Variants in RNF144B observed in about 807,000 individuals in gnomAD.
RNF144B encodes the protein ring finger protein 144B.
A neutral mutation model predicts 40.2 loss-of-function variants in RNF144B; 25 were observed. The ratio of observed to expected loss-of-function variants is 0.62; its 90% CI spans 0.45 to 0.87. The LOEUF is 0.87. Among genes scored for constraint, RNF144B ranks in the 40% least tolerant of loss-of-function variants. The probability of loss-of-function intolerance (pLI) is 0.00; values close to 1 mark genes in which losing one functional copy is unlikely to be tolerated. For synonymous variants in RNF144B, 145 were observed against 136.3 expected (o/e 1.06, Z -0.44); for missense variants, 365 against 373.7 (o/e 0.98, Z 0.19).
rs1043148355 is a variant in RNF144B, at chr6:18,419,368, C to G, written c.166-8213C>G. Among the ~76,000 whole-genome samples the G allele has an allele frequency of 3.3e-5, 5 of 152,116 alleles. No homozygotes were observed. The highest frequency in any genetic ancestry group is 1.2e-4 in the African/African-American group (5 of 41,428). The stretch of plus-strand genomic sequence containing the variant: ...CCACTGGCCTTTTGGGATATATTCT[C>G]CTGAGAGCAAATAGGCAGTGGACTA... On this transcript the variant is annotated intron_variant, in intron 2 of 7. Transcript: ENST00000259939. The surrounding 1 kb of genome is among the most constrained non-coding windows in gnomAD (Gnocchi z 4.6).
rs1406983090 is a variant in RNF144B at position 18,406,987 on chromosome 6, C to T, written c.165+7288C>T. 6.6e-6 allele frequency among the ~76,000 whole-genome samples: 1 copy of T among 152,104 alleles called. No homozygotes were observed. The highest frequency in any genetic ancestry group is 1.9e-4 in the East Asian group (1 of 5,186). On this transcript the variant is annotated intron_variant, in intron 2 of 7. Coordinates refer to ENST00000259939, the MANE Select transcript of RNF144B (RefSeq NM_182757.4). The surrounding 1 kb of genome is among the most constrained non-coding windows in gnomAD (Gnocchi z 4.2). Reference sequence around the variant, plus strand: ...GAGAGCACCACACTTATCAAACAACCAGATCTCGTGAGAATTCACTATCAT... The same window carrying T: ...GAGAGCACCACACTTATCAAACAACTAGATCTCGTGAGAATTCACTATCAT...
Position 18,457,307 on chromosome 6 carries a change from G to T in RNF144B, c.484G>T (p.Ala162Ser). 6.2e-7 allele frequency: 1 copy of T among 1,614,188 alleles called. No homozygotes were observed. The highest frequency in any genetic ancestry group is 8.5e-7 in the Non-Finnish European group (1 of 1,180,032). The change falls in exon 5 of 8, where the codon GCA (alanine) becomes TCA (serine). Residue 162 changes from alanine to serine, a missense_variant. Ala to Ser is a moderately conservative substitution (Grantham distance 99, BLOSUM62 1). Transcript: ENST00000259939. The surrounding 1 kb of genome is among the most constrained non-coding windows in gnomAD (Gnocchi z 5.1). ...CTCGTGTTGCAAGGATGCTTGGCAT[G>T]CAGAGGTCTCCTGTAGAGACAGTCA... Reference protein sequence around the residue: ...FCSCCKDAWHAEVSCRDSQPI... With the variant: ...FCSCCKDAWHSEVSCRDSQPI...
rs190803939 is a variant in RNF144B, at chr6:18,387,730, A to G, written c.-37+100A>G. The stretch of plus-strand genomic sequence containing the variant: ...ACAGGAAACTCACTGTGACACCACA[A>G]TTTTTCGATTTTCTGTCTCTAGTGC... On this transcript the variant is annotated intron_variant, in intron 1 of 7. Transcript: ENST00000259939. 3.6e-5 allele frequency: 37 copies of G among 1,035,496 alleles called. No individual in the cohort carries two copies. The East Asian group carries it at 1.2e-3, about 33-fold the overall frequency. 64.1% of individuals were successfully genotyped at this position (1,035,496 alleles called of 1,614,324 possible).
chr6:18,438,879 T>C (rs1758886749), intron 3 of RNF144B, among the ~76,000 whole-genome samples: 1 of 152,192 alleles, frequency 6.6e-6, no homozygotes, highest in Admixed American at 6.5e-5. Flanking sequence ...AAAATCTTTA[T>C]TTTCTCATAT....
intron 3 of RNF144B, among the ~76,000 whole-genome samples, chr6:18,430,663 T>A (rs35819482): frequency 0.34 from 51,870 of 151,524 alleles, 9,605 homozygotes; most frequent in East Asian, 0.51. Context: ...TTTAATTTTT[T>A]TTTTTTTTTA....
At chr6:18,440,126 T>C (rs1400340338) in intron 4 of RNF144B, among the ~76,000 whole-genome samples, 3 of 152,198 alleles carry the variant, frequency 2.0e-5, no homozygotes, top group African/African-American at 7.2e-5. Context: ...CAAACATTTT[T>C]ACTGCTCCTC....
Position 18,449,697 on chromosome 6 carries a change from G to GTATATATATATATATA in RNF144B, c.332-7457_332-7442dup, listed in dbSNP as rs70974745. 2.6e-3 allele frequency among the ~76,000 whole-genome samples: 386 copies of GTATATATATATATATA among 149,324 alleles called. 2 individuals are homozygous for GTATATATATATATATA. The highest frequency in any genetic ancestry group is 8.4e-3 in the Admixed American group (125 of 14,870). On this transcript the variant is annotated intron_variant, in intron 4 of 7. Transcript: ENST00000259939. The stretch of plus-strand genomic sequence containing the variant: ...TTTACTGTCTACAACGTGTTTTGAA[G>GTATATATATATATATA]TATATATATATATATACATTGTGGA...
intron 4 of RNF144B, among the ~76,000 whole-genome samples, chr6:18,454,362 G>C (rs1402275884): frequency 2.0e-5 from 3 of 152,156 alleles, no homozygotes; most frequent in African/African-American, 7.2e-5. Context: ...CAAGGGGGTT[G>C]GGAGAGATGT....
rs73379248 is a variant in RNF144B, at chr6:18,458,980, A to C, written c.537-627A>C. On this transcript the variant is annotated intron_variant, in intron 5 of 7. Coordinates refer to ENST00000259939, the MANE Select transcript of RNF144B (RefSeq NM_182757.4). This position sits in a 1 kb window ranked among gnomAD's most constrained non-coding sequence, Gnocchi z 4.8. ...TTATGACAATATGAGGTTATTGTTCATACGAAGTCTGATAATAGATTTGAC... is the reference window on the plus strand; with the variant it reads ...TTATGACAATATGAGGTTATTGTTCCTACGAAGTCTGATAATAGATTTGAC... Among the ~76,000 whole-genome samples the C allele has an allele frequency of 0.017, 2,658 of 152,292 alleles. 38 individuals are homozygous for C. The highest frequency in any genetic ancestry group is 0.027 in the Middle Eastern group (8 of 294).
intron 2 of RNF144B, among the ~76,000 whole-genome samples, chr6:18,411,484 TATATATATATATA>T (rs1432675508): frequency 3.0e-3 from 112 of 37,554 alleles, no homozygotes; most frequent in African/African-American, 7.6e-3. Flanking sequence ...TATATATATA[TATATATATATATA>T]TTTTTTTTTT....
rs1430372172 is a variant in RNF144B at position 18,398,499 on chromosome 6, G to C, written c.-36-1000G>C. Among the ~76,000 whole-genome samples the C allele has an allele frequency of 1.3e-5, 2 of 152,156 alleles. No individual in the cohort carries two copies. Among genetic ancestry groups the C allele is most frequent in the Non-Finnish European group, 2.9e-5 (2 of 68,024 alleles). On this transcript the variant is annotated intron_variant, in intron 1 of 7. Transcript: ENST00000259939. This position sits in a 1 kb window ranked among gnomAD's most constrained non-coding sequence, Gnocchi z 5.0. ...TGATTCTCCCGCCTCAGCCTCCTGA[G>C]TAGCTGGGATTACAGATGTGCCACT...
At chr6:18,432,259 C>G (rs1758711542) in intron 3 of RNF144B, among the ~76,000 whole-genome samples, 1 of 152,068 alleles carries the variant, frequency 6.6e-6, no homozygotes, top group African/African-American at 2.4e-5. Flanking sequence ...GAACCAGTGC[C>G]CTTCAGATAC....
intron 1 of RNF144B, chr6:18,396,618 G>A (rs1037158531): frequency 6.3e-5 from 62 of 985,004 alleles, no homozygotes; most frequent in East Asian, 1.1e-4. Flanking sequence ...TACTACCTAC[G>A]TTTCTTCTTG....
chr6:18,408,372 T>C (rs1366604811), intron 2 of RNF144B, among the ~76,000 whole-genome samples: 1 of 152,228 alleles, frequency 6.6e-6, no homozygotes, highest in Non-Finnish European at 1.5e-5. Flanking sequence ...ACCAGCCAAA[T>C]TGTTTTCCTA....
At chr6:18,397,208 TC>T (rs1306520717) in intron 1 of RNF144B, among the ~76,000 whole-genome samples, 1 of 152,250 alleles carries the variant, frequency 6.6e-6, no homozygotes, top group Non-Finnish European at 1.5e-5. Flanking sequence ...TTTATTTTTT[TC>T]CTTTTCTATC....
At position 18,458,800 on chromosome 6, in the gene RNF144B, G is replaced by A. The variant is rs1053237640; in HGVS notation, c.537-807G>A. On this transcript the variant is annotated intron_variant, in intron 5 of 7. Transcript: ENST00000259939. The surrounding 1 kb of genome is among the most constrained non-coding windows in gnomAD (Gnocchi z 4.8). ...AGATTTTGAAATATTTTCATGATAT[G>A]TTTATTGGTTAAGCATCCTTACTCT... Among the ~76,000 whole-genome samples the A allele has an allele frequency of 6.6e-6, 1 of 152,174 alleles. No individual in the cohort carries two copies. The highest frequency in any genetic ancestry group is 2.4e-5 in the African/African-American group (1 of 41,436).
chr6:18,453,137 C>CTTT (rs33972716), intron 4 of RNF144B, among the ~76,000 whole-genome samples: 1,159 of 103,366 alleles, frequency 0.011, 68 homozygotes, highest in Admixed American at 0.024. Context: ...TTTCTGTCTG[C>CTTT]TTTTTTTTTT....
In RNF144B at chr6:18,444,674, A is replaced by T. The variant is rs1759038796; in HGVS notation, c.331+4930A>T. ...TGTGTCATATTGTTCTCCTTCATTT[A>T]AAAAAAAGTGAAATAGGAAGTTGTC... On this transcript the variant is annotated intron_variant, in intron 4 of 7. Transcript: ENST00000259939. This position sits in a 1 kb window ranked among gnomAD's most constrained non-coding sequence, Gnocchi z 4.3. Among the ~76,000 whole-genome samples the T allele has an allele frequency of 8.6e-6, 1 of 116,586 alleles. No individual in the cohort carries two copies. The highest frequency in any genetic ancestry group is 2.8e-5 in the African/African-American group (1 of 35,828). 76.5% of individuals were successfully genotyped at this position (116,586 alleles called of 152,430 possible).
In RNF144B at chr6:18,398,803, TC is replaced by T. The variant is rs1332617662; in HGVS notation, c.-36-695del. 6.6e-6 allele frequency among the ~76,000 whole-genome samples: 1 copy of T among 152,208 alleles called. No homozygotes were observed. Among genetic ancestry groups the T allele is most frequent in the Non-Finnish European group, 1.5e-5 (1 of 68,038 alleles). ...ATCTCTTTGAGACCCTGCTTTCAGT[TC>T]TTTTGGGTATATACCCGATTGCTGG... is the stretch of plus-strand genomic sequence containing the variant. On this transcript the variant is annotated intron_variant, in intron 1 of 7. Transcript: ENST00000259939. This position sits in a 1 kb window ranked among gnomAD's most constrained non-coding sequence, Gnocchi z 5.0.
Sources: allele counts gnomAD v4.1 joint callset (sites outside exome capture counted in the v4.1 genomes callset), GRCh38; gene constraint gnomAD v4.1.1; non-coding constraint Gnocchi (gnomAD v3.1); transcripts MANE v1.5; gene names NCBI Gene and HGNC (gene_info 2026-07-23, HGNC 2026-07-21).